The following ARHGEF37 variants were observed in gnomAD, a reference collection of about 807,000 sequenced individuals.
ARHGEF37 encodes Rho guanine nucleotide exchange factor (GEF) 37.
A neutral mutation model predicts 71.1 loss-of-function variants in ARHGEF37; 55 were observed. That is an observed-to-expected ratio of 0.77 (90% CI 0.62 to 0.97). The LOEUF is 0.97. Among genes scored for constraint, ARHGEF37 ranks in the 50% least tolerant of loss-of-function variants. The pLI, the probability that ARHGEF37 is intolerant of heterozygous loss-of-function variation, is 0.00. For synonymous variants in ARHGEF37, 327 were observed against 350.6 expected (o/e 0.93, Z 0.75); for missense variants, 765 against 836.8 (o/e 0.91, Z 1.06).
chr5:149,562,742 G>A (rs1318453952), intron 1 of ARHGEF37, among the ~76,000 whole-genome samples: 3 of 151,940 alleles, frequency 2.0e-5, no homozygotes, highest in African/African-American at 7.3e-5. Context: ...CACCGCGCCC[G>A]GCCAAGAACA....
intron 10 of ARHGEF37, 94 bp downstream of exon 10, chr5:149,624,234 T>A (rs1312042796): frequency 6.9e-7 from 1 of 1,444,726 alleles, no homozygotes. Context: ...TCCTTTTTGG[T>A]CCCCCAATGT....
intron 1 of ARHGEF37, among the ~76,000 whole-genome samples, chr5:149,566,013 C>A (rs1271627712): frequency 6.6e-6 from 1 of 150,830 alleles, no homozygotes; most frequent in Non-Finnish European, 1.5e-5. Context: ...CCACGCCTGG[C>A]TTTTTTATAT....
chr5:149,552,261 T>A (rs539296287), intron 1 of ARHGEF37: 26 of 149,966 alleles, frequency 1.7e-4, no homozygotes, highest in African/African-American at 6.4e-4. Context: ...TATGTTGGTC[T>A]TGTTGAAAAC....
intron 4 of ARHGEF37, among the ~76,000 whole-genome samples, chr5:149,613,663 C>T (rs73267892): frequency 0.056 from 8,461 of 152,078 alleles, 314 homozygotes; most frequent in East Asian, 0.17. Context: ...TTTTATGAGG[C>T]TGCTTCTATA....
At chr5:149,556,187 T>C (rs900484856) in intron 1 of ARHGEF37, among the ~76,000 whole-genome samples, 2 of 152,082 alleles carry the variant, frequency 1.3e-5, no homozygotes, top group East Asian at 1.9e-4. Context: ...CCAAGTGTTG[T>C]TTATTTTATT....
intron 1 of ARHGEF37, among the ~76,000 whole-genome samples, chr5:149,555,801 G>C (rs1762746337): frequency 6.6e-6 from 1 of 152,016 alleles, no homozygotes. Context: ...TTCTGTGTTC[G>C]TAGGGAATTC....
chr5:149,551,759 T>C (rs1174600815), upstream of ARHGEF37, among the ~76,000 whole-genome samples: 2 of 152,266 alleles, frequency 1.3e-5, no homozygotes, highest in African/African-American at 4.8e-5. Flanking sequence ...AGATGAAAGC[T>C]TAAGGCCTCC....
chr5:149,628,102 T>G (rs1027095088), intron 11 of ARHGEF37, among the ~76,000 whole-genome samples: 1 of 152,038 alleles, frequency 6.6e-6, no homozygotes, highest in African/African-American at 2.4e-5. Context: ...TGACTTAAGG[T>G]GGGAACCACA....
At chr5:149,600,572 C>T (rs1005926345) in intron 2 of ARHGEF37, among the ~76,000 whole-genome samples, 3 of 152,162 alleles carry the variant, frequency 2.0e-5, no homozygotes, top group African/African-American at 7.2e-5. Context: ...GGCTAAAACC[C>T]CGGTTCAGCT....
At chr5:149,580,166 T>A (rs1166963613), upstream of ARHGEF37, among the ~76,000 whole-genome samples, 1 of 152,042 alleles carries the variant, frequency 6.6e-6, no homozygotes, top group African/African-American at 2.4e-5. Context: ...ATTCAAGTGA[T>A]TCTCCTGCCT....
chr5:149,596,896 C>T (rs1445898542), intron 1 of ARHGEF37, among the ~76,000 whole-genome samples: 1 of 152,196 alleles, frequency 6.6e-6, no homozygotes, highest in Non-Finnish European at 1.5e-5. Flanking sequence ...AATCAGATCA[C>T]TGAGCAGCAG....
At chr5:149,554,909 G>T (rs2113225064) in intron 1 of ARHGEF37, among the ~76,000 whole-genome samples, 1 of 152,166 alleles carries the variant, frequency 6.6e-6, no homozygotes, top group East Asian at 1.9e-4. Flanking sequence ...AAGGCAGGCG[G>T]ATCACAAGGT....
Position 149,620,339 on chromosome 5 carries a change from T to C in ARHGEF37, c.895-15T>C, listed in dbSNP as rs199810777. 4 of 1,576,956 alleles carry C rather than the reference T, an allele frequency of 2.5e-6. No individual in the cohort carries two copies. In the East Asian group the frequency reaches 9.1e-5, roughly 36 times the overall value. ...ACAGGCATGATTGGATGTTTCTCCTTGGTACTGGGTCCAGGCTTTCCTCTA... is the reference window on the plus strand; with the variant it reads ...ACAGGCATGATTGGATGTTTCTCCTCGGTACTGGGTCCAGGCTTTCCTCTA... On this transcript the variant is annotated splice_polypyrimidine_tract_variant and intron_variant, in intron 7 of 12. Transcript: ENST00000333677.
At chr5:149,615,455 C>T (rs1210250174) in intron 4 of ARHGEF37, among the ~76,000 whole-genome samples, 4 of 151,910 alleles carry the variant, frequency 2.6e-5, no homozygotes, top group Non-Finnish European at 5.9e-5. Context: ...ACATACCCAC[C>T]ACCTAAAATT....
rs934731134 is a variant in ARHGEF37, at chr5:149,632,590, G to C, written c.*399G>C. 1.9e-5 allele frequency: 4 copies of C among 212,412 alleles called. No homozygotes were observed. In the Admixed American group the frequency reaches 2.0e-4, roughly 11 times the overall value. 13.2% of individuals were successfully genotyped at this position (212,412 alleles called of 1,614,324 possible). Reference sequence around the variant, plus strand: ...TGCGTGCTGTGTGGTTGCAGGAAGCGGGTTCTGGAGGAGTCCAGAACTGCC... The same window carrying C: ...TGCGTGCTGTGTGGTTGCAGGAAGCCGGTTCTGGAGGAGTCCAGAACTGCC... On this transcript the variant is annotated 3_prime_UTR_variant, in exon 13 of 13. Coordinates refer to ENST00000333677, the MANE Select transcript of ARHGEF37 (RefSeq NM_001001669.3).
intron 3 of ARHGEF37, among the ~76,000 whole-genome samples, chr5:149,602,888 C>T (rs1763797323): frequency 6.6e-6 from 1 of 152,124 alleles, no homozygotes; most frequent in Non-Finnish European, 1.5e-5. Context: ...CTTTCCTGAA[C>T]ACGAATGATG....
At chr5:149,604,115 G>A (rs1763838731) in intron 3 of ARHGEF37, among the ~76,000 whole-genome samples, 1 of 152,144 alleles carries the variant, frequency 6.6e-6, no homozygotes, top group Non-Finnish European at 1.5e-5. Flanking sequence ...ATAGCTACAT[G>A]TTTGAGGTTT....
In ARHGEF37 at chr5:149,632,563, C is replaced by T. The variant is rs548770413; in HGVS notation, c.*372C>T. 54 of 236,654 alleles carry T rather than the reference C, an allele frequency of 2.3e-4. No individual in the cohort carries two copies. The highest frequency in any genetic ancestry group is 5.9e-5 in the Non-Finnish European group (7 of 118,246). 14.7% of individuals were successfully genotyped at this position (236,654 alleles called of 1,614,324 possible). ...GCGTGGGTCACACGGGATAATGTTA[C>T]CTGCGTGCTGTGTGGTTGCAGGAAG... is the stretch of plus-strand genomic sequence containing the variant. On this transcript the variant is annotated 3_prime_UTR_variant, in exon 13 of 13. Transcript: ENST00000333677.
At chr5:149,598,268 CTTCTTCTTCTTCTTCTTCT>C (rs1561794495) in intron 2 of ARHGEF37, among the ~76,000 whole-genome samples, 67 of 119,420 alleles carry the variant, frequency 5.6e-4, no homozygotes, top group African/African-American at 2.6e-3. Flanking sequence ...ACTGACTCTT[CTTCTTCTTCTTCTTCTTCT>C]TCTTCTTCTT....
Sources: allele counts gnomAD v4.1 joint callset (sites outside exome capture counted in the v4.1 genomes callset), GRCh38; gene constraint gnomAD v4.1.1; transcripts MANE v1.5; gene names NCBI Gene and HGNC (gene_info 2026-07-23, HGNC 2026-07-21).